The following SEC23A variants were observed in gnomAD, a reference collection of about 807,000 sequenced individuals.
SEC23A encodes the protein SEC23 homolog A, COPII component, also known as protein transport protein Sec23A.
SEC23A carries 56 observed loss-of-function variants against 103.7 expected under a neutral mutation model. The observed-to-expected ratio is 0.54, with a 90% confidence interval of 0.44 to 0.67. The LOEUF is 0.67. Ranked by LOEUF, SEC23A falls within the 30% of genes least tolerant of loss-of-function variation. The pLI, the probability that SEC23A is intolerant of heterozygous loss-of-function variation, is 0.00. For synonymous variants in SEC23A, 281 were observed against 293.0 expected (o/e 0.96, Z 0.42); for missense variants, 784 against 936.4 (o/e 0.84, Z 2.12).
At chr14:39,087,890 T>TA (rs1380181064) in intron 5 of SEC23A, 1 of 152,194 alleles carries the variant, frequency 6.6e-6, no homozygotes, top group Non-Finnish European at 1.5e-5. Context: ...GATTTCTTCT[T>TA]AAATTCTACT....
At chr14:39,085,625 T>A in intron 7 of SEC23A, 137 bp downstream of exon 7, 1 of 1,023,158 alleles carries the variant, frequency 9.8e-7, no homozygotes, top group Non-Finnish European at 1.5e-6. Context: ...TCTTTGTTGA[T>A]GCTGAGTGAG....
Position 39,052,227 on chromosome 14 carries a change from A to G in SEC23A, c.1659+2916T>C, listed in dbSNP as rs866213210. 9.2e-5 allele frequency among the ~76,000 whole-genome samples: 14 copies of G among 152,174 alleles called. 1 individual carries two copies. The Middle Eastern group carries it at 0.02, about 222-fold the overall frequency. ...TGGCCTATAATACCTGGGTGATGGGATATCTGTGCAGTAAACCACCATGGC... is the reference window on the plus strand; with the variant it reads ...TGGCCTATAATACCTGGGTGATGGGGTATCTGTGCAGTAAACCACCATGGC... On this transcript the variant is annotated intron_variant, in intron 14 of 19. Coordinates refer to ENST00000307712, the MANE Select transcript of SEC23A (RefSeq NM_006364.4).
Position 39,064,931 on chromosome 14 carries a change from T to A in SEC23A, c.1290A>T (p.Gly430=). ...AACTTACATTTTCAGACACACAGGG[T>A]CCTTTAGAATTGAGTGACACACAGG... is the stretch of plus-strand genomic sequence containing the variant. The part of the protein sequence containing the change: ...IGPCVSLNSK[G]PCVSENEIGT... Residue 430 remains glycine (G), a synonymous_variant, in exon 11 of 20, where the codon GGA becomes GGT. Transcript: ENST00000307712. The A allele has an allele frequency of 6.2e-7, 1 of 1,611,870 alleles. No individual in the cohort carries two copies. Among genetic ancestry groups the A allele is most frequent in the Non-Finnish European group, 8.5e-7 (1 of 1,178,048 alleles).
At chr14:39,086,318 T>C (rs949239339) in intron 6 of SEC23A, among the ~76,000 whole-genome samples, 4 of 152,156 alleles carry the variant, frequency 2.6e-5, no homozygotes, top group African/African-American at 9.7e-5. Flanking sequence ...TAAATTTTAG[T>C]AATACTACCT....
At chr14:39,086,124 G>A (rs1438991268) in intron 6 of SEC23A, among the ~76,000 whole-genome samples, 2 of 152,056 alleles carry the variant, frequency 1.3e-5, no homozygotes, top group Non-Finnish European at 2.9e-5. Flanking sequence ...GGTCTGGAGT[G>A]GAGCCGAAGA....
At chr14:39,091,839 C>T (rs1887673827) in intron 4 of SEC23A, 126 bp from the exon 5 acceptor site, 1 of 712,070 alleles carries the variant, frequency 1.4e-6, no homozygotes, top group African/African-American at 1.8e-5. Context: ...AGAAATGAAA[C>T]AGGTTATTTC....
chr14:39,063,139 A>G (rs1239362610), intron 12 of SEC23A, among the ~76,000 whole-genome samples, 185 bp downstream of exon 12: 1 of 152,144 alleles, frequency 6.6e-6, no homozygotes, highest in East Asian at 1.9e-4. Flanking sequence ...CTATTACAAT[A>G]TGTACTCTCA....
chr14:39,091,144 GAA>G, intron 5 of SEC23A: 6 of 331,280 alleles, frequency 1.8e-5, no homozygotes, highest in South Asian at 9.2e-5. Flanking sequence ...GAACTCTTAA[GAA>G]AAAAAAAAGA....
intron 5 of SEC23A, 85 bp downstream of exon 5, chr14:39,091,392 T>G: frequency 2.2e-6 from 2 of 906,168 alleles, no homozygotes; most frequent in East Asian, 2.6e-5. Flanking sequence ...TAATAAAAAT[T>G]TGTCCTAGAA....
intron 10 of SEC23A, among the ~76,000 whole-genome samples, chr14:39,066,637 G>A (rs1004336091): frequency 6.6e-6 from 1 of 152,082 alleles, no homozygotes; most frequent in Non-Finnish European, 1.5e-5. Context: ...AGCTGAGACA[G>A]GCAGATCACC....
intron 7 of SEC23A, among the ~76,000 whole-genome samples, chr14:39,083,313 C>T (rs1400674861): frequency 6.6e-6 from 1 of 152,070 alleles, no homozygotes; most frequent in Admixed American, 6.5e-5. Context: ...AAAGGCTAAT[C>T]AGAAACTCAA....
chr14:39,090,636 C>T lies in SEC23A; in HGVS notation c.603+841G>A, dbSNP rs148817641. ...AATGTTAAGAAATAAAAGCTCTCTC[C>T]TCAGCTGCCACCAAGGTTCTCGGTT... On this transcript the variant is annotated intron_variant, in intron 5 of 19. Transcript: ENST00000307712. Among the ~76,000 whole-genome samples, 5 of 152,246 alleles carry T rather than the reference C, an allele frequency of 3.3e-5. No homozygotes were observed. In the East Asian group the frequency reaches 9.6e-4, roughly 29 times the overall value.
intron 2 of SEC23A, among the ~76,000 whole-genome samples, chr14:39,093,951 G>C (rs895195699): frequency 6.6e-6 from 1 of 151,930 alleles, no homozygotes; most frequent in Admixed American, 6.6e-5. Context: ...AAGAAAAAGA[G>C]AACTGCTCTC....
intron 10 of SEC23A, 135 bp from the exon 11 acceptor site, chr14:39,065,128 TAATC>T (rs967978822): frequency 1.1e-4 from 74 of 703,948 alleles, no homozygotes; most frequent in Non-Finnish European, 4.4e-5. Context: ...ACATGAAAAA[TAATC>T]AATCAATAAG....
chr14:39,088,619 G>A (rs545756968), intron 5 of SEC23A: 6 of 152,380 alleles, frequency 3.9e-5, no homozygotes, highest in African/African-American at 9.6e-5. Flanking sequence ...TGTAATCCCA[G>A]CTACTTGGGA....
At chr14:39,046,103 G>A (rs1363084212) in intron 15 of SEC23A, among the ~76,000 whole-genome samples, 3 of 152,168 alleles carry the variant, frequency 2.0e-5, no homozygotes, top group South Asian at 2.1e-4. Flanking sequence ...TGCCACGTAA[G>A]ATATGTCTTG....
rs551467507 is a variant in SEC23A, at chr14:39,072,673, G to C, written c.1103+1742C>G. Among the ~76,000 whole-genome samples, 46 of 152,226 alleles carry C rather than the reference G, an allele frequency of 3.0e-4. 1 individual carries two copies. Among genetic ancestry groups the C allele is most frequent in the African/African-American group, 1.1e-3 (44 of 41,546 alleles). On this transcript the variant is annotated intron_variant, in intron 9 of 19. Transcript: ENST00000307712. ...AAAAAAAGTATTAATAATTAGCTAG[G>C]TGTGGTAGCATGTGCCTGTAGTCCC...
intron 17 of SEC23A, 125 bp from the exon 18 acceptor site, chr14:39,041,012 A>G (rs1885619101): frequency 5.7e-6 from 6 of 1,058,562 alleles, no homozygotes; most frequent in Non-Finnish European, 7.7e-6. Context: ...CATTTACCTC[A>G]ATTTTTTAAA....
chr14:39,042,996 G>A, intron 16 of SEC23A, 124 bp from the exon 17 acceptor site: 1 of 677,242 alleles, frequency 1.5e-6, no homozygotes, highest in Non-Finnish European at 2.5e-6. Context: ...TATTTTTTTG[G>A]AGAAGGGTCT....
Sources: allele counts gnomAD v4.1 joint callset (sites outside exome capture counted in the v4.1 genomes callset), GRCh38; gene constraint gnomAD v4.1.1; transcripts MANE v1.5; gene names NCBI Gene and HGNC (gene_info 2026-07-23, HGNC 2026-07-21).